Variants in STAG2 observed in about 807,000 individuals in gnomAD.
The protein encoded by STAG2 is STAG2 cohesin complex component.
Under a neutral mutation model 108.1 loss-of-function variants are expected in STAG2, and 14 were observed. The observed-to-expected ratio is 0.13, with a 90% CI of 0.09 to 0.20. The LOEUF is 0.20. Among genes scored for constraint, STAG2 ranks in the 10% least tolerant of loss-of-function variants. The probability of loss-of-function intolerance (pLI) is 1.00; values close to 1 mark genes in which losing one functional copy is unlikely to be tolerated. For synonymous variants in STAG2, 307 were observed against 302.7 expected (o/e 1.01, Z -0.15); for missense variants, 440 against 940.9 (o/e 0.47, Z 6.96).
At chrX:124,041,652 C>G (rs1367510809) in intron 6 of STAG2, among the ~76,000 whole-genome samples, 5 of 110,324 alleles carry the variant, frequency 4.5e-5, no homozygotes, top group African/African-American at 1.7e-4. Flanking sequence ...CGTTGATTAC[C>G]CCTGCCCCCA....
chrX:124,004,674 T>C (rs761642764), intron 1 of STAG2, among the ~76,000 whole-genome samples: 9 of 112,246 alleles, frequency 8.0e-5, no homozygotes, highest in Non-Finnish European at 1.3e-4. Flanking sequence ...GGTGTACAAA[T>C]GTCTGTTTTG....
At chrX:124,029,973 C>T (rs943395478) in intron 4 of STAG2, among the ~76,000 whole-genome samples, 1 of 110,368 alleles carries the variant, frequency 9.1e-6, no homozygotes, top group Non-Finnish European at 1.9e-5. Context: ...CGTCCCCACC[C>T]CCCACCAATA....
At chrX:123,975,453 C>T (rs1009578590) in intron 1 of STAG2, among the ~76,000 whole-genome samples, 7 of 111,673 alleles carry the variant, frequency 6.3e-5, no homozygotes, top group East Asian at 2.8e-4. Flanking sequence ...TGGATTTTTC[C>T]AGTTGTGAGT....
At chrX:124,038,011 CAGTA>C (rs1312982263) in intron 6 of STAG2, among the ~76,000 whole-genome samples, 2 of 111,259 alleles carry the variant, frequency 1.8e-5, no homozygotes, top group Non-Finnish European at 3.8e-5. Flanking sequence ...CCATGAATAA[CAGTA>C]AGTAAGCAAG....
chrX:124,058,503 A>G (rs998970208), intron 15 of STAG2, among the ~76,000 whole-genome samples: 6 of 112,595 alleles, frequency 5.3e-5, no homozygotes, highest in Non-Finnish European at 1.1e-4. Context: ...TATAGTGCTG[A>G]GAATATTAAT....
intron 4 of STAG2, among the ~76,000 whole-genome samples, chrX:124,029,003 A>ATT (rs1569507171): frequency 2.2e-4 from 21 of 97,185 alleles, no homozygotes; most frequent in African/African-American, 7.3e-4. Context: ...ATATATATAT[A>ATT]TATATATATA....
chrX:124,022,286 G>A (rs1352192344), intron 2 of STAG2, among the ~76,000 whole-genome samples: 1 of 109,210 alleles, frequency 9.2e-6, no homozygotes, highest in Non-Finnish European at 1.9e-5. Flanking sequence ...TAGGAGAATC[G>A]CTTGAACCTG....
At chrX:124,078,814 C>A (rs2058869948) in intron 27 of STAG2, among the ~76,000 whole-genome samples, 1 of 108,769 alleles carries the variant, frequency 9.2e-6, no homozygotes, top group African/African-American at 3.3e-5. Flanking sequence ...ACTAAAAATA[C>A]AAAAATTAGC....
chrX:124,003,362 A>G (rs1346669030), intron 1 of STAG2: 1 of 111,553 alleles, frequency 9.0e-6, no homozygotes, highest in Non-Finnish European at 1.9e-5. Context: ...TCCTGTATTC[A>G]CTGGCTTCTT....
intron 1 of STAG2, among the ~76,000 whole-genome samples, chrX:123,984,655 A>G (rs559992693): frequency 9.1e-6 from 1 of 110,232 alleles, no homozygotes; most frequent in African/African-American, 3.3e-5. Context: ...TTTAATTTAA[A>G]TTTTTTTTTG....
intron 1 of STAG2, among the ~76,000 whole-genome samples, chrX:124,019,423 C>T (rs2056851018): frequency 9.0e-6 from 1 of 110,901 alleles, no homozygotes; most frequent in South Asian, 3.8e-4. Context: ...AATCACATTT[C>T]TTAACAGGTA....
rs2059009879 is a variant in STAG2, at chrX:124,083,280, C to A, written c.2925-141C>A. On this transcript the variant is annotated intron_variant, in intron 28 of 34. Transcript: ENST00000371145. ...ATGTCAGTATATCTGCACATTCTCA[C>A]ACTTTACAACCTGCTTATTTTCTAT... 3 of 402,753 alleles carry A rather than the reference C, an allele frequency of 7.4e-6. No individual in the cohort carries two copies. In the South Asian group the frequency reaches 1.4e-4, roughly 19 times the overall value. The allele number at this position is 402,753 out of a possible 1,213,427, so 33.2% of individuals were successfully genotyped here.
At chrX:123,962,203 G>A (rs1253642994) in intron 1 of STAG2, 1 of 111,000 alleles carries the variant, frequency 9.0e-6, no homozygotes, top group Admixed American at 9.6e-5. Context: ...TGCGGACGGC[G>A]ATTTTGGGAC....
At chrX:123,997,316 A>C (rs760893509) in intron 1 of STAG2, among the ~76,000 whole-genome samples, 24 of 112,557 alleles carry the variant, frequency 2.1e-4, no homozygotes, top group Admixed American at 1.5e-3. Context: ...ATATATAACA[A>C]AATTTTCTAT....
rs113412506 is a variant in STAG2, at chrX:124,100,892, A to C, written c.*295A>C. Reference sequence around the variant, plus strand: ...ATTTCATGCTTTTTTTTAAAAAAAAAAAAAAACAAAATAACAATCTGAAGA... The same window carrying C: ...ATTTCATGCTTTTTTTTAAAAAAAACAAAAAACAAAATAACAATCTGAAGA... On this transcript the variant is annotated 3_prime_UTR_variant, in exon 35 of 35. Coordinates refer to ENST00000371145, the MANE Select transcript of STAG2 (RefSeq NM_001042750.2). 767 of 219,270 alleles carry C rather than the reference A, an allele frequency of 3.5e-3. 7 individuals are homozygous for C. Among genetic ancestry groups the C allele is most frequent in the African/African-American group, 0.02 (696 of 33,988 alleles). 18.1% of individuals were successfully genotyped at this position (219,270 alleles called of 1,213,427 possible). A position where few individuals can be genotyped will look rare whatever the true frequency, so the allele number is the denominator to read the frequency against.
At chrX:123,985,854 C>T (rs2055149152) in intron 1 of STAG2, among the ~76,000 whole-genome samples, 1 of 109,437 alleles carries the variant, frequency 9.1e-6, no homozygotes, top group Middle Eastern at 4.3e-3. Flanking sequence ...TGTATTCATG[C>T]TACTTTACAA....
chrX:124,068,518 T>C, intron 23 of STAG2, 46 bp from the exon 24 acceptor site: 1 of 900,295 alleles, frequency 1.1e-6, no homozygotes, highest in Non-Finnish European at 1.6e-6. Flanking sequence ...AAATGCTGAA[T>C]TGTTTATACA....
intron 1 of STAG2, among the ~76,000 whole-genome samples, chrX:123,969,942 C>T (rs939734418): frequency 7.1e-5 from 7 of 98,764 alleles, no homozygotes; most frequent in African/African-American, 1.1e-4. Flanking sequence ...CCACCGCACC[C>T]GGTCTTCCTG....
At chrX:124,027,447 G>C (rs1329263310) in intron 4 of STAG2, among the ~76,000 whole-genome samples, 1 of 111,321 alleles carries the variant, frequency 9.0e-6, no homozygotes, top group Admixed American at 9.6e-5. Flanking sequence ...TAATTTATTA[G>C]AAAACCATTT....
Sources: gnomAD v4.1 joint callset for allele counts (sites outside exome capture counted in the v4.1 genomes callset) on GRCh38, gnomAD v4.1.1 for gene constraint, MANE v1.5 for transcripts, NCBI Gene and HGNC (gene_info 2026-07-23, HGNC 2026-07-21) for gene names.